The following HIPK2 variants were observed in gnomAD, a reference collection of about 807,000 sequenced individuals.
HIPK2 encodes homeodomain-interacting protein kinase 2.
In HIPK2, 27 loss-of-function variants were observed where a neutral mutation model predicts 113.7. The ratio of observed to expected loss-of-function variants is 0.24; its 90% CI spans 0.17 to 0.33. The LOEUF (loss-of-function observed/expected upper bound fraction) is 0.33. Ranked by LOEUF, HIPK2 falls within the 10% of genes least tolerant of loss-of-function variation. HIPK2 has a pLI of 1.00. For missense variants in HIPK2, 1,257 were observed against 1,588.0 expected (o/e 0.79, Z 3.54); for synonymous variants, 631 against 642.2 (o/e 0.98, Z 0.26).
In HIPK2 at chr7:139,573,887, G is replaced by A. The variant is rs145173455; in HGVS notation, c.3127-490C>T. Among the ~76,000 whole-genome samples, 23 of 151,864 alleles carry A rather than the reference G, an allele frequency of 1.5e-4. No homozygotes were observed. The East Asian group carries it at 3.9e-3, about 26-fold the overall frequency. Reference sequence around the variant, plus strand: ...AATTTACTTGGACTGAGAAAATCCCGACTTGGCCTGCCACTCACTGGGCTG... The same window carrying A: ...AATTTACTTGGACTGAGAAAATCCCAACTTGGCCTGCCACTCACTGGGCTG... On this transcript the variant is annotated intron_variant, in intron 14 of 14. Transcript: ENST00000406875.
rs945604757 is a variant in HIPK2 at position 139,608,105 on chromosome 7, G to A, written c.2113-3882C>T. Among the ~76,000 whole-genome samples, 13 of 151,682 alleles carry A rather than the reference G, an allele frequency of 8.6e-5. 1 individual carries two copies. Among genetic ancestry groups the A allele is most frequent in the African/African-American group, 1.9e-4 (8 of 41,316 alleles). On this transcript the variant is annotated intron_variant, in intron 9 of 14. Transcript: ENST00000406875. ...AATACAAAAAAAAATTAGCCGGGGC[G>A]TGGTGGCACATGCCTGTAATCCCAG...
At chr7:139,589,545 T>C (rs982079261) in intron 12 of HIPK2, among the ~76,000 whole-genome samples, 11 of 152,230 alleles carry the variant, frequency 7.2e-5, no homozygotes, top group Non-Finnish European at 1.5e-4. Flanking sequence ...TTCAGCTTAA[T>C]ATGAATAAGA....
At chr7:139,702,687 G>T (rs969125068) in intron 2 of HIPK2, among the ~76,000 whole-genome samples, 16 of 152,286 alleles carry the variant, frequency 1.1e-4, no homozygotes, top group African/African-American at 3.8e-4. Context: ...CAGGCCATGG[G>T]CGTAAATAAT....
intron 2 of HIPK2, among the ~76,000 whole-genome samples, chr7:139,689,982 G>A (rs963690685): frequency 1.9e-4 from 29 of 151,354 alleles, no homozygotes; most frequent in African/African-American, 7.1e-4. Context: ...GCAGGGTGCC[G>A]GGCACCTCGG....
chr7:139,582,825 T>C (rs1331690042), intron 13 of HIPK2, among the ~76,000 whole-genome samples: 1 of 152,136 alleles, frequency 6.6e-6, no homozygotes, highest in Non-Finnish European at 1.5e-5. Context: ...CCTGAGGCAC[T>C]GGGCTGGAAA....
intron 1 of HIPK2, among the ~76,000 whole-genome samples, chr7:139,771,996 C>G (rs879172744): frequency 2.0e-5 from 3 of 152,268 alleles, no homozygotes; most frequent in East Asian, 3.9e-4. Context: ...TTCCAACTGC[C>G]CTTTCCTGGA....
At chr7:139,584,790 G>A (rs1798783375) in intron 12 of HIPK2, among the ~76,000 whole-genome samples, 1 of 152,232 alleles carries the variant, frequency 6.6e-6, no homozygotes, top group South Asian at 2.1e-4. Context: ...CAAGGGATCG[G>A]GGGAGATGGT....
chr7:139,629,994 T>C (rs967735904), intron 4 of HIPK2, among the ~76,000 whole-genome samples: 1 of 152,004 alleles, frequency 6.6e-6, no homozygotes, highest in African/African-American at 2.4e-5. Flanking sequence ...GACTACTGGA[T>C]ATATATTATC....
intron 2 of HIPK2, among the ~76,000 whole-genome samples, chr7:139,657,477 C>T (rs1801711599): frequency 2.0e-5 from 3 of 152,208 alleles, no homozygotes; most frequent in African/African-American, 7.2e-5. Flanking sequence ...CCTTCAGCTG[C>T]ACATCTCTAG....
intron 11 of HIPK2, among the ~76,000 whole-genome samples, chr7:139,598,019 A>G (rs1799283451): frequency 6.6e-6 from 1 of 152,228 alleles, no homozygotes; most frequent in Admixed American, 6.5e-5. Context: ...CACCTTATAC[A>G]CATAGCCTGA....
chr7:139,658,108 C>G (rs1801735732), intron 2 of HIPK2, among the ~76,000 whole-genome samples: 2 of 152,312 alleles, frequency 1.3e-5, no homozygotes, highest in South Asian at 4.1e-4. Context: ...GAGTTCTAGA[C>G]CAGCCTGAGC....
In HIPK2 at chr7:139,771,930, C is replaced by T. The variant is rs138661646; in HGVS notation, c.19+5675G>A. On this transcript the variant is annotated intron_variant, in intron 1 of 14. Transcript: ENST00000406875. ...ACAGCAGGCGAGATTTCAGCCAGGC[C>T]CAGGAATTTCTTGACAATCAGGTTA... is the stretch of plus-strand genomic sequence containing the variant. Among the ~76,000 whole-genome samples, 504 of 152,188 alleles carry T rather than the reference C, an allele frequency of 3.3e-3. 4 individuals carry two copies. Among genetic ancestry groups the T allele is most frequent in the African/African-American group, 0.01 (427 of 41,510 alleles).
intron 1 of HIPK2, among the ~76,000 whole-genome samples, chr7:139,774,504 G>A (rs1185198703): frequency 6.6e-6 from 1 of 152,238 alleles, no homozygotes; most frequent in Non-Finnish European, 1.5e-5. Context: ...TTTAGGGCAT[G>A]TGTCATCAAA....
chr7:139,664,498 T>C lies in HIPK2; in HGVS notation c.1104-32773A>G, dbSNP rs1332004429. 2.6e-5 allele frequency among the ~76,000 whole-genome samples: 4 copies of C among 152,074 alleles called. No individual in the cohort carries two copies. In the East Asian group the frequency reaches 7.7e-4, roughly 29 times the overall value. Reference sequence around the variant, plus strand: ...TTTACAGTGAGCCGAGATCAAGCCATTGCACTCCAGCCGGGGCAACACAGT... The same window carrying C: ...TTTACAGTGAGCCGAGATCAAGCCACTGCACTCCAGCCGGGGCAACACAGT... On this transcript the variant is annotated intron_variant, in intron 2 of 14. Coordinates refer to ENST00000406875, the MANE Select transcript of HIPK2 (RefSeq NM_022740.5).
intron 2 of HIPK2, among the ~76,000 whole-genome samples, chr7:139,672,312 T>C (rs1019649777): frequency 2.0e-5 from 3 of 152,220 alleles, no homozygotes; most frequent in Admixed American, 2.0e-4. Context: ...CATGAAATTA[T>C]AAAATATCTT....
chr7:139,596,846 GCCA>G lies in HIPK2; in HGVS notation c.2585_2587del (p.Val862del), dbSNP rs764334610. On this transcript the variant is annotated inframe_deletion, in exon 12 of 15. Transcript: ENST00000406875. The stretch of plus-strand genomic sequence containing the variant: ...CTGCCGTTCCCGGGTGGTGCTGGAG[GCCA>G]CGTCGCCCCACCCACAGGTGACCGA... 2 of 1,613,958 alleles carry G rather than the reference GCCA, an allele frequency of 1.2e-6. No individual in the cohort carries two copies. The highest frequency in any genetic ancestry group is 2.2e-5 in the South Asian group (2 of 91,090).
At chr7:139,769,807 C>A (rs1796616929) in intron 1 of HIPK2, among the ~76,000 whole-genome samples, 2 of 152,184 alleles carry the variant, frequency 1.3e-5, no homozygotes, top group Admixed American at 1.3e-4. Context: ...GAAAGAATTT[C>A]TTTAACCACT....
intron 2 of HIPK2, among the ~76,000 whole-genome samples, chr7:139,647,249 G>C (rs1801267687): frequency 6.6e-6 from 1 of 151,974 alleles, no homozygotes; most frequent in South Asian, 2.1e-4. Context: ...CTTGTCTACT[G>C]GGGTGAGAGG....
intron 2 of HIPK2, among the ~76,000 whole-genome samples, chr7:139,644,419 C>T (rs1311171892): frequency 6.6e-6 from 1 of 152,184 alleles, no homozygotes; most frequent in African/African-American, 2.4e-5. Context: ...GGTATGGGTG[C>T]ACATCGGTGT....
Sources: gnomAD v4.1 joint callset for allele counts (sites outside exome capture counted in the v4.1 genomes callset) on GRCh38, gnomAD v4.1.1 for gene constraint, MANE v1.5 for transcripts, NCBI Gene and HGNC (gene_info 2026-07-23, HGNC 2026-07-21) for gene names.